Variants in INTS10 observed in about 807,000 individuals in gnomAD.
The protein encoded by INTS10 is chromosome 8 open reading frame 35.
Under a neutral mutation model 94.4 loss-of-function variants are expected in INTS10, and 44 were observed. That is an observed-to-expected ratio of 0.47 (90% CI 0.37 to 0.60). The LOEUF (loss-of-function observed/expected upper bound fraction) is 0.60. INTS10 is among the 20% of genes least tolerant of loss of function. The pLI, the probability that INTS10 is intolerant of heterozygous loss-of-function variation, is 0.00. For synonymous variants in INTS10, 341 were observed against 320.7 expected (o/e 1.06, Z -0.68); for missense variants, 797 against 868.7 (o/e 0.92, Z 1.04).
chr8:19,845,756 A>G lies in INTS10; in HGVS notation c.1935A>G (p.Lys645=), dbSNP rs2068523838. 6.2e-6 allele frequency: 10 copies of G among 1,613,996 alleles called. No individual in the cohort carries two copies. The highest frequency in any genetic ancestry group is 8.5e-6 in the Non-Finnish European group (10 of 1,179,882). Residue 645 remains lysine, a synonymous_variant, in exon 16 of 17, where the codon AAA becomes AAG. Transcript: ENST00000397977. ...FAYLRTQEGG[K]IHLELLPNQG... is the part of the protein sequence containing the mutation. ...ACTTGAGAACTCAGGAAGGTGGGAA[A>G]ATTCATCTGGAATTACTACCCAATC... is the stretch of plus-strand genomic sequence containing the variant.
At position 19,843,103 on chromosome 8, in the gene INTS10, C is replaced by T. The variant is rs781247418; in HGVS notation, c.1719+176C>T. Among the ~76,000 whole-genome samples the T allele has an allele frequency of 5.3e-5, 8 of 152,178 alleles. No individual in the cohort carries two copies. Among genetic ancestry groups the T allele is most frequent in the Middle Eastern group, 3.4e-3 (1 of 294 alleles). On this transcript the variant is annotated intron_variant, in intron 14 of 16. Transcript: ENST00000397977. The surrounding 1 kb of genome is among the most constrained non-coding windows in gnomAD (Gnocchi z 4.7). ...ACAAATCTATATTAAATAATGACTG[C>T]GCTAGGCAAAGAGAAGTAGGAAGTT...
At chr8:19,824,068 A>G in intron 7 of INTS10, 24 bp downstream of exon 7, 6 of 1,543,158 alleles carry the variant, frequency 3.9e-6, no homozygotes, top group Non-Finnish European at 5.3e-6. Flanking sequence ...TATTTCCAGA[A>G]TTGCCTATTG....
intron 12 of INTS10, 139 bp downstream of exon 12, chr8:19,833,460 A>T: frequency 3.7e-6 from 2 of 543,962 alleles, no homozygotes; most frequent in Non-Finnish European, 5.7e-6. Context: ...TTAATCTGCT[A>T]GTGAACATCA....
At chr8:19,824,746 C>T (rs1589942034) in intron 7 of INTS10, 57 bp from the exon 8 acceptor site, 3 of 1,296,956 alleles carry the variant, frequency 2.3e-6, no homozygotes, top group Non-Finnish European at 3.2e-6. Flanking sequence ...TTTCTCTAGA[C>T]TTCTTGCTGA....
At position 19,846,649 on chromosome 8, in the gene INTS10, G is replaced by C. The variant is rs1455300959; in HGVS notation, c.1976+852G>C. The stretch of plus-strand genomic sequence containing the variant: ...CCAAGAAATGATGGTGGGAGTGGTT[G>C]GTCTCCACCATGCTCCCCTGAACTC... On this transcript the variant is annotated intron_variant, in intron 16 of 16. Coordinates refer to ENST00000397977, the MANE Select transcript of INTS10 (RefSeq NM_018142.4). The surrounding 1 kb of genome is among the most constrained non-coding windows in gnomAD (Gnocchi z 4.2). Among the ~76,000 whole-genome samples the C allele has an allele frequency of 6.6e-6, 1 of 152,156 alleles. No homozygotes were observed. The highest frequency in any genetic ancestry group is 1.5e-5 in the Non-Finnish European group (1 of 68,040).
intron 12 of INTS10, 64 bp downstream of exon 12, chr8:19,833,385 C>A: frequency 1.6e-6 from 2 of 1,282,888 alleles, no homozygotes; most frequent in East Asian, 2.9e-5. Flanking sequence ...TTCTCCTTTC[C>A]CTAGCGTGGC....
At chr8:19,850,468 C>T (rs1317349041) in intron 16 of INTS10, among the ~76,000 whole-genome samples, 1 of 146,782 alleles carries the variant, frequency 6.8e-6, no homozygotes, top group Non-Finnish European at 1.5e-5. Flanking sequence ...GATAGCTTTA[C>T]TTATCTAACA....
chr8:19,834,727 T>A (rs1191185740), intron 12 of INTS10, among the ~76,000 whole-genome samples: 1 of 152,134 alleles, frequency 6.6e-6, no homozygotes, highest in Admixed American at 6.6e-5. Context: ...TATGTCCAGA[T>A]GTAAGTGTCC....
chr8:19,827,396 C>A lies in INTS10; in HGVS notation c.1140+837C>A, dbSNP rs116449738. On this transcript the variant is annotated intron_variant, in intron 9 of 16. Coordinates refer to ENST00000397977, the MANE Select transcript of INTS10 (RefSeq NM_018142.4). ...CTCTTTTTATTCCTCTTTTTTAATTCTCTGCAGCATCCTCCTTGCTGTCTG... is the reference window on the plus strand; with the variant it reads ...CTCTTTTTATTCCTCTTTTTTAATTATCTGCAGCATCCTCCTTGCTGTCTG... 2.4e-3 allele frequency among the ~76,000 whole-genome samples: 367 copies of A among 152,276 alleles called. 3 individuals carry two copies. Among genetic ancestry groups the A allele is most frequent in the African/African-American group, 8.4e-3 (348 of 41,556 alleles).
At chr8:19,828,436 C>T (rs1194880028) in intron 9 of INTS10, among the ~76,000 whole-genome samples, 1 of 152,116 alleles carries the variant, frequency 6.6e-6, no homozygotes, top group African/African-American at 2.4e-5. Flanking sequence ...GGCATCTGTC[C>T]CCCACCTGCT....
intron 3 of INTS10, 85 bp downstream of exon 3, chr8:19,819,761 G>T (rs1364886745): frequency 1.0e-5 from 10 of 960,964 alleles, no homozygotes; most frequent in Middle Eastern, 2.6e-4. Flanking sequence ...CACACCTGGG[G>T]TATTGGTAAC....
At chr8:19,825,720 C>T (rs1484401646) in intron 8 of INTS10, among the ~76,000 whole-genome samples, 1 of 151,940 alleles carries the variant, frequency 6.6e-6, no homozygotes, top group South Asian at 2.1e-4. Flanking sequence ...TATAATACAG[C>T]GGTCGTTTTT....
chr8:19,823,613 A>G (rs541600374), intron 6 of INTS10, among the ~76,000 whole-genome samples, 172 bp downstream of exon 6: 10 of 152,312 alleles, frequency 6.6e-5, no homozygotes, highest in Admixed American at 2.0e-4. Flanking sequence ...TCTGGAAGCA[A>G]TGCCACCCCT....
intron 1 of INTS10, 27 bp downstream of exon 1, chr8:19,817,693 G>T (rs1413748564): frequency 2.5e-6 from 4 of 1,592,104 alleles, no homozygotes; most frequent in African/African-American, 2.7e-5. Flanking sequence ...GCATGCGGCC[G>T]CTCTGCGTGG....
intron 2 of INTS10, 27 bp from the exon 3 acceptor site, chr8:19,819,545 TA>T: frequency 6.5e-7 from 1 of 1,534,078 alleles, no homozygotes; most frequent in East Asian, 2.4e-5. Flanking sequence ...TTTGACATTT[TA>T]ATTTAATGTA....
chr8:19,835,736 C>T (rs1012359567), intron 12 of INTS10, among the ~76,000 whole-genome samples: 1 of 152,156 alleles, frequency 6.6e-6, no homozygotes, highest in Non-Finnish European at 1.5e-5. Flanking sequence ...GCTTCACAAC[C>T]CTGTGGGCAT....
Position 19,841,095 on chromosome 8 carries a change from G to A in INTS10, c.1640-1753G>A, listed in dbSNP as rs114490351. On this transcript the variant is annotated intron_variant, in intron 13 of 16. Transcript: ENST00000397977. Reference sequence around the variant, plus strand: ...CCAGTGGAACAGCATAGAAAACTGAGAAATAGATGACATTAAAATTCAGTG... The same window carrying A: ...CCAGTGGAACAGCATAGAAAACTGAAAAATAGATGACATTAAAATTCAGTG... 1.3e-3 allele frequency among the ~76,000 whole-genome samples: 200 copies of A among 152,172 alleles called. 1 individual carries two copies. The highest frequency in any genetic ancestry group is 4.5e-3 in the African/African-American group (185 of 41,534).
rs372346867 is a variant in INTS10 at position 19,830,482 on chromosome 8, C to G, written c.1217C>G (p.Ser406Cys). 5 of 1,613,910 alleles carry G rather than the reference C, an allele frequency of 3.1e-6. No individual in the cohort carries two copies. The African/African-American group carries it at 6.7e-5, about 22-fold the overall frequency. The change falls in exon 10 of 17, where the codon TCC becomes TGC. Residue 406 changes from serine (S) to cysteine (C), a missense_variant. Physicochemically the swap from Ser to Cys is moderately radical, Grantham distance 112 (BLOSUM62 -1). Coordinates refer to ENST00000397977, the MANE Select transcript of INTS10 (RefSeq NM_018142.4). ...IVVNKAELAN[S>C]TEVLESFKLA... ...GTCAATAAAGCCGAACTTGCTAACT[C>G]CACTGAAGTGTTAGAAAGCTTTAAA... is the stretch of plus-strand genomic sequence containing the variant.
intron 9 of INTS10, 149 bp downstream of exon 9, chr8:19,826,708 C>T: frequency 1.3e-6 from 1 of 760,990 alleles, no homozygotes; most frequent in Non-Finnish European, 2.0e-6. Context: ...CAGTGGTTCT[C>T]CACTGGAGGT....
Sources: allele counts gnomAD v4.1 joint callset (sites outside exome capture counted in the v4.1 genomes callset), GRCh38; gene constraint gnomAD v4.1.1; non-coding constraint Gnocchi (gnomAD v3.1); transcripts MANE v1.5; gene names NCBI Gene and HGNC (gene_info 2026-07-23, HGNC 2026-07-21).